The following CDK14 variants were observed in gnomAD, a reference collection of about 807,000 sequenced individuals.
The protein encoded by CDK14 is cyclin-dependent kinase 14.
A neutral mutation model predicts 60.7 loss-of-function variants in CDK14; 34 were observed. That is an observed-to-expected ratio of 0.56 (90% confidence interval 0.43 to 0.75). The LOEUF (loss-of-function observed/expected upper bound fraction) is 0.75. Ranked by LOEUF, CDK14 falls within the 30% of genes least tolerant of loss-of-function variation. The probability of loss-of-function intolerance (pLI) is 0.00; values close to 1 mark genes in which losing one functional copy is unlikely to be tolerated. For synonymous variants in CDK14, 197 were observed against 203.7 expected, an observed-to-expected ratio of 0.97 and a Z score of 0.28; for missense variants, 482 against 564.1, an observed-to-expected ratio of 0.85 and a Z score of 1.47.
At chr7:90,874,866 T>C (rs182300683) in intron 6 of CDK14, among the ~76,000 whole-genome samples, 3 of 152,298 alleles carry the variant, frequency 2.0e-5, no homozygotes, top group Non-Finnish European at 4.4e-5. Flanking sequence ...GTAGCTTTAT[T>C]ACGATACAAT....
At chr7:91,126,627 G>C (rs1383157316) in intron 14 of CDK14, among the ~76,000 whole-genome samples, 1 of 152,050 alleles carries the variant, frequency 6.6e-6, no homozygotes, top group African/African-American at 2.4e-5. Context: ...GTGTTCTTTA[G>C]AAACTGGCAC....
chr7:90,621,667 T>TCCTTCCTG (rs1799771955), intron 2 of CDK14, among the ~76,000 whole-genome samples: 1 of 140,536 alleles, frequency 7.1e-6, no homozygotes, highest in Non-Finnish European at 1.6e-5. Context: ...CTTCCTTCCT[T>TCCTTCCTG]CCTGCCTTCC....
At chr7:91,113,255 T>C (rs931453911) in intron 13 of CDK14, among the ~76,000 whole-genome samples, 5 of 152,228 alleles carry the variant, frequency 3.3e-5, no homozygotes, top group African/African-American at 9.6e-5. Flanking sequence ...TGCACTGAAT[T>C]GACATGTACA....
intron 4 of CDK14, among the ~76,000 whole-genome samples, chr7:90,754,512 C>T (rs1264276042): frequency 2.6e-5 from 4 of 152,040 alleles, no homozygotes; most frequent in Admixed American, 1.3e-4. Context: ...CGTAAGACCT[C>T]GAAACTCTAA....
At chr7:90,962,294 C>G (rs1794624493) in intron 9 of CDK14, among the ~76,000 whole-genome samples, 1 of 151,998 alleles carries the variant, frequency 6.6e-6, no homozygotes, top group South Asian at 2.1e-4. Context: ...CAAGACCAGT[C>G]CCATCAACAT....
intron 8 of CDK14, among the ~76,000 whole-genome samples, chr7:90,939,764 T>G (rs1793860250): frequency 6.6e-6 from 1 of 152,246 alleles, no homozygotes; most frequent in African/African-American, 2.4e-5. Flanking sequence ...ATTCAGATTG[T>G]GCATGCAAGC....
intron 8 of CDK14, among the ~76,000 whole-genome samples, chr7:90,922,533 T>C (rs1366506374): frequency 6.6e-6 from 1 of 152,182 alleles, no homozygotes; most frequent in Non-Finnish European, 1.5e-5. Context: ...TTAGGTATAA[T>C]TTTTATTTGA....
chr7:91,097,640 G>A (rs1373164525), intron 12 of CDK14, among the ~76,000 whole-genome samples: 1 of 151,676 alleles, frequency 6.6e-6, no homozygotes, highest in Non-Finnish European at 1.5e-5. Flanking sequence ...GAATGATACA[G>A]GGAAGAGAGC....
At chr7:90,742,963 C>G (rs1803413938) in intron 3 of CDK14, among the ~76,000 whole-genome samples, 1 of 151,910 alleles carries the variant, frequency 6.6e-6, no homozygotes, top group African/African-American at 2.4e-5. Flanking sequence ...AAGGGGACCC[C>G]AAGTCTAAAC....
chr7:90,835,673 CA>C (rs1245301191), intron 5 of CDK14, among the ~76,000 whole-genome samples: 2 of 152,166 alleles, frequency 1.3e-5, no homozygotes, highest in South Asian at 2.1e-4. Flanking sequence ...TTCCAAGTCA[CA>C]TATAGTAGTC....
chr7:90,870,931 A>T (rs1791351893), intron 6 of CDK14, among the ~76,000 whole-genome samples: 1 of 152,182 alleles, frequency 6.6e-6, no homozygotes, highest in African/African-American at 2.4e-5. Flanking sequence ...TATTTATGAG[A>T]TATTTAAAAC....
chr7:90,676,887 T>A lies in CDK14; in HGVS notation c.124-49680T>A, dbSNP rs373800015. On this transcript the variant is annotated intron_variant, in intron 2 of 14. Transcript: ENST00000380050. ...AGAGAAGAAAGAGCAGGGCAACAGC[T>A]AAAGCCAAAGAAACTAGCCTTGCTG... 1.4e-4 allele frequency among the ~76,000 whole-genome samples: 21 copies of A among 152,058 alleles called. 1 individual carries two copies. The highest frequency in any genetic ancestry group is 1.4e-3 in the East Asian group (7 of 5,172).
chr7:90,786,884 C>A (rs1317310232), intron 4 of CDK14, among the ~76,000 whole-genome samples: 2 of 145,274 alleles, frequency 1.4e-5, no homozygotes, highest in Non-Finnish European at 3.0e-5. Flanking sequence ...CATGATCATG[C>A]CACTGCACTT....
intron 4 of CDK14, among the ~76,000 whole-genome samples, chr7:90,783,651 G>A (rs1805442923): frequency 6.6e-6 from 1 of 152,070 alleles, no homozygotes; most frequent in Non-Finnish European, 1.5e-5. Context: ...GAAGAGATAT[G>A]CATGTTCAAC....
At chr7:91,097,271 C>G (rs1584053765) in intron 12 of CDK14, among the ~76,000 whole-genome samples, 1 of 151,958 alleles carries the variant, frequency 6.6e-6, no homozygotes, top group East Asian at 1.9e-4. Context: ...ATCCCAGCTA[C>G]TTGGAAGGCT....
At chr7:91,194,601 T>TA (rs1409891671) in intron 14 of CDK14, among the ~76,000 whole-genome samples, 1 of 152,096 alleles carries the variant, frequency 6.6e-6, no homozygotes, top group Non-Finnish European at 1.5e-5. Flanking sequence ...GAAAAGGACT[T>TA]AACAGAGGGC....
chr7:91,174,125 G>A (rs1459668535), intron 14 of CDK14, among the ~76,000 whole-genome samples: 3 of 151,718 alleles, frequency 2.0e-5, no homozygotes, highest in African/African-American at 7.2e-5. Context: ...CGGGCAGACT[G>A]CCTCCTCAAG....
At chr7:90,811,486 A>C (rs549348230) in intron 5 of CDK14, among the ~76,000 whole-genome samples, 166 of 152,366 alleles carry the variant, frequency 1.1e-3, no homozygotes, top group African/African-American at 3.8e-3. Context: ...TTAAAGACTT[A>C]AACGTTAGAC....
intron 2 of CDK14, among the ~76,000 whole-genome samples, chr7:90,606,014 A>G (rs17874802): frequency 1.3e-5 from 2 of 152,190 alleles, no homozygotes; most frequent in Non-Finnish European, 2.9e-5. Flanking sequence ...GGAGTTTGTA[A>G]TTTGGGTCAA....
Sources: gnomAD v4.1 joint callset for allele counts (sites outside exome capture counted in the v4.1 genomes callset) on GRCh38, gnomAD v4.1.1 for gene constraint, MANE v1.5 for transcripts, NCBI Gene and HGNC (gene_info 2026-07-23, HGNC 2026-07-21) for gene names.